The following DLGAP2 variants were observed in gnomAD, a reference collection of about 807,000 sequenced individuals.
The protein encoded by DLGAP2 is DLG associated protein 2.
In DLGAP2, 26 loss-of-function variants were observed where a neutral mutation model predicts 100.3. The observed-to-expected ratio is 0.26, with a 90% confidence interval of 0.19 to 0.36. The LOEUF is 0.36. Among genes scored for constraint, DLGAP2 ranks in the 10% least tolerant of loss-of-function variants. DLGAP2 has a pLI of 1.00. For missense variants in DLGAP2, 1,858 were observed against 1,453.2 expected (o/e 1.28, Z -4.53); for synonymous variants, 886 against 630.1 (o/e 1.41, Z -6.08).
chr8:1,473,924 C>T (rs747450314), intron 3 of DLGAP2, among the ~76,000 whole-genome samples: 1 of 152,172 alleles, frequency 6.6e-6, no homozygotes, highest in Non-Finnish European at 1.5e-5. Context: ...GTCCATTAAA[C>T]CTCTTTTTCT....
chr8:820,239 G>C (rs1271745843), intron 1 of DLGAP2, among the ~76,000 whole-genome samples: 1 of 152,196 alleles, frequency 6.6e-6, no homozygotes, highest in East Asian at 1.9e-4. Flanking sequence ...ATTAAAGATA[G>C]TTACTGAAAG....
chr8:802,351 C>A (rs1410140272), intron 1 of DLGAP2, among the ~76,000 whole-genome samples: 1 of 151,520 alleles, frequency 6.6e-6, no homozygotes, highest in Non-Finnish European at 1.5e-5. Context: ...TGGGTCCCCC[C>A]ACCTCAGGCC....
chr8:1,245,631 TG>T (rs1342247382), intron 2 of DLGAP2, among the ~76,000 whole-genome samples: 3 of 152,052 alleles, frequency 2.0e-5, no homozygotes, highest in Admixed American at 6.6e-5. Flanking sequence ...ATTTTTGGAG[TG>T]ACGAAATGTT....
intron 7 of DLGAP2, among the ~76,000 whole-genome samples, chr8:1,629,663 G>C (rs1797594510): frequency 6.6e-6 from 1 of 152,224 alleles, no homozygotes; most frequent in Non-Finnish European, 1.5e-5. Flanking sequence ...CCTTTCAGTG[G>C]ATATAACCTA....
chr8:1,700,346 G>C (rs1055718220), intron 14 of DLGAP2, among the ~76,000 whole-genome samples: 6 of 152,188 alleles, frequency 3.9e-5, no homozygotes, highest in Non-Finnish European at 5.9e-5. Flanking sequence ...AGCTGGCTAC[G>C]GAGAGTCCCT....
chr8:1,260,115 C>T (rs1042518526), intron 3 of DLGAP2, among the ~76,000 whole-genome samples: 4 of 152,044 alleles, frequency 2.6e-5, no homozygotes, highest in African/African-American at 7.2e-5. Flanking sequence ...TGGCAGAGGC[C>T]GCCTGTGATG....
At chr8:1,155,654 C>T (rs1329604520) in intron 2 of DLGAP2, among the ~76,000 whole-genome samples, 1 of 152,088 alleles carries the variant, frequency 6.6e-6, no homozygotes, top group Non-Finnish European at 1.5e-5. Flanking sequence ...TTTCCGGACT[C>T]CGAGACCCCC....
At chr8:1,441,499 C>G (rs1195325804) in intron 3 of DLGAP2, among the ~76,000 whole-genome samples, 2 of 151,896 alleles carry the variant, frequency 1.3e-5, no homozygotes, top group African/African-American at 4.8e-5. Flanking sequence ...ACCATCCTGG[C>G]AAACATGGTG....
intron 3 of DLGAP2, among the ~76,000 whole-genome samples, chr8:1,487,070 C>A (rs1799252053): frequency 6.6e-6 from 1 of 152,180 alleles, no homozygotes; most frequent in Non-Finnish European, 1.5e-5. Flanking sequence ...GAATCCGAGG[C>A]TTTAAAAATG....
chr8:1,077,179 C>T (rs1803648407), intron 2 of DLGAP2, among the ~76,000 whole-genome samples: 1 of 152,246 alleles, frequency 6.6e-6, no homozygotes, highest in African/African-American at 2.4e-5. Flanking sequence ...CCTCCGGTTT[C>T]TGCTTCTGAT....
intron 1 of DLGAP2, among the ~76,000 whole-genome samples, chr8:774,546 C>T (rs1199412892): frequency 2.0e-5 from 3 of 149,846 alleles, no homozygotes; most frequent in African/African-American, 7.3e-5. Flanking sequence ...GGAAGGGATC[C>T]AGTTTCAGCT....
Position 837,099 on chromosome 8 carries a change from C to G in DLGAP2, c.19-70813C>G, listed in dbSNP as rs142964763. 5.7e-3 allele frequency among the ~76,000 whole-genome samples: 869 copies of G among 152,380 alleles called. 8 individuals are homozygous for G. The highest frequency in any genetic ancestry group is 0.019 in the African/African-American group (811 of 41,592). ...CCATCTCCTGGTCAGGGTTAGGGCGCTACCCCCAGCATCTCCATGTTCCCA... is the reference window on the plus strand; with the variant it reads ...CCATCTCCTGGTCAGGGTTAGGGCGGTACCCCCAGCATCTCCATGTTCCCA... On this transcript the variant is annotated intron_variant, in intron 1 of 14. Coordinates refer to ENST00000637795, the MANE Select transcript of DLGAP2 (RefSeq NM_001346810.2).
rs555268881 is a variant in DLGAP2, at chr8:756,760, C to G, written c.18+18935C>G. ...TCTGCCCAGCCACACCCTCCTCACC[C>G]TGAGCTTGAGTCAGGAGAACGTTCT... On this transcript the variant is annotated intron_variant, in intron 1 of 14. Transcript: ENST00000637795. Among the ~76,000 whole-genome samples the G allele has an allele frequency of 7.2e-4, 109 of 152,302 alleles. 1 individual carries two copies. The highest frequency in any genetic ancestry group is 2.5e-3 in the African/African-American group (105 of 41,568).
intron 3 of DLGAP2, chr8:1,259,782 C>G (rs1056616960): frequency 1.3e-5 from 2 of 152,114 alleles, no homozygotes; most frequent in Admixed American, 1.3e-4. Context: ...GGCTCTTACT[C>G]GTAATTTAAA....
intron 2 of DLGAP2, among the ~76,000 whole-genome samples, chr8:994,047 C>T (rs948025960): frequency 1.3e-5 from 2 of 152,092 alleles, no homozygotes; most frequent in Non-Finnish European, 2.9e-5. Flanking sequence ...ACCCAGCAGG[C>T]GTTGCGTAGA....
intron 2 of DLGAP2, among the ~76,000 whole-genome samples, chr8:982,531 C>T (rs565640102): frequency 6.6e-6 from 1 of 152,018 alleles, no homozygotes; most frequent in Non-Finnish European, 1.5e-5. Flanking sequence ...GATATTTTTT[C>T]TTTGTCAAGG....
intron 3 of DLGAP2, among the ~76,000 whole-genome samples, chr8:1,418,799 G>A (rs1370687936): frequency 6.6e-6 from 1 of 152,134 alleles, no homozygotes; most frequent in Admixed American, 6.5e-5. Flanking sequence ...ACTTCCCTCA[G>A]ACCCCGCAGG....
chr8:954,717 A>T (rs940139153), intron 2 of DLGAP2, among the ~76,000 whole-genome samples: 1 of 152,188 alleles, frequency 6.6e-6, no homozygotes, highest in Non-Finnish European at 1.5e-5. Flanking sequence ...AATAAAAATC[A>T]AGGGACTAAT....
At chr8:1,178,751 T>C (rs1238859870) in intron 2 of DLGAP2, among the ~76,000 whole-genome samples, 1 of 152,192 alleles carries the variant, frequency 6.6e-6, no homozygotes, top group African/African-American at 2.4e-5. Context: ...TCAGAGACAG[T>C]CTTACCTGCA....
Sources: allele counts gnomAD v4.1 joint callset (sites outside exome capture counted in the v4.1 genomes callset), GRCh38; gene constraint gnomAD v4.1.1; transcripts MANE v1.5; gene names NCBI Gene and HGNC (gene_info 2026-07-23, HGNC 2026-07-21).